STX2: variants seen among roughly 807,000 people sequenced by gnomAD.
STX2 encodes syntaxin 2, also known as syntaxin-2.
A neutral mutation model predicts 40.6 loss-of-function variants in STX2; 27 were observed. The observed-to-expected ratio is 0.66, with a 90% CI of 0.49 to 0.92. The LOEUF (loss-of-function observed/expected upper bound fraction) is 0.92, where lower values mean the gene tolerates loss of function less well. Ranked by LOEUF, STX2 falls within the 40% of genes least tolerant of loss-of-function variation. The pLI is 0.00. For synonymous variants in STX2, 123 were observed against 119.1 expected (o/e 1.03, Z -0.22); for missense variants, 328 against 366.1 (o/e 0.90, Z 0.85).
chr12:130,809,010 G>C (rs1951546218), intron 4 of STX2, among the ~76,000 whole-genome samples: 1 of 152,162 alleles, frequency 6.6e-6, no homozygotes, highest in African/African-American at 2.4e-5. Flanking sequence ...GGAATTACAG[G>C]CGTGTGCCAC....
At chr12:130,817,133 C>T (rs561312644) in intron 3 of STX2, among the ~76,000 whole-genome samples, 2 of 149,216 alleles carry the variant, frequency 1.3e-5, no homozygotes, top group South Asian at 4.2e-4. Context: ...TGAATGAAAA[C>T]CCAACAAAAA....
At chr12:130,823,501 C>T (rs576982183) in intron 2 of STX2, among the ~76,000 whole-genome samples, 1 of 152,228 alleles carries the variant, frequency 6.6e-6, no homozygotes, top group South Asian at 2.1e-4. Context: ...CCACAGGATT[C>T]CTTATAAGAC....
At chr12:130,813,084 C>T (rs1208766682) in intron 3 of STX2, 53 bp from the exon 4 acceptor site, 1 of 1,079,060 alleles carries the variant, frequency 9.3e-7, no homozygotes, top group East Asian at 2.9e-5. Context: ...CTATAATATC[C>T]AACATAAATG....
chr12:130,798,722 T>C (rs1951115242), intron 8 of STX2, 87 bp from the exon 9 acceptor site: 3 of 994,906 alleles, frequency 3.0e-6, no homozygotes, highest in Non-Finnish European at 4.3e-6. Flanking sequence ...AAAGGTTTTA[T>C]ATAAACACGA....
chr12:130,803,209 A>C lies in STX2; in HGVS notation c.464-1721T>G, dbSNP rs186979387. Among the ~76,000 whole-genome samples the C allele has an allele frequency of 8.8e-3, 1,336 of 152,336 alleles. 11 individuals carry two copies. Among genetic ancestry groups the C allele is most frequent in the Middle Eastern group, 0.017 (5 of 294 alleles). On this transcript the variant is annotated intron_variant, in intron 6 of 10. Coordinates refer to ENST00000392373, the MANE Select transcript of STX2 (RefSeq NM_194356.4). ...GGAGGTAATTCTCAATCATTTAAAA[A>C]TCTATTTGAGAGCACACATGGTGGT...
intron 3 of STX2, among the ~76,000 whole-genome samples, chr12:130,818,185 A>AAATATATATATATATAT: frequency 2.4e-4 from 17 of 70,542 alleles, no homozygotes; most frequent in Non-Finnish European, 3.2e-4. Context: ...AAAAAAAAAA[A>AAATATATATATATATAT]ATATATATAT....
chr12:130,794,617 C>T (rs1196593205), intron 10 of STX2, among the ~76,000 whole-genome samples: 1 of 152,212 alleles, frequency 6.6e-6, no homozygotes, highest in African/African-American at 2.4e-5. Context: ...CTGCCTCGGC[C>T]TCTGGCGTAG....
intron 3 of STX2, among the ~76,000 whole-genome samples, chr12:130,820,110 G>A (rs950906011): frequency 1.3e-5 from 2 of 152,082 alleles, no homozygotes; most frequent in African/African-American, 2.4e-5. Flanking sequence ...CCAAGACCAA[G>A]AATACATGTG....
chr12:130,807,902 C>T (rs1353292650), intron 5 of STX2, among the ~76,000 whole-genome samples: 2 of 152,154 alleles, frequency 1.3e-5, no homozygotes, highest in African/African-American at 2.4e-5. Context: ...GCTGCAGTGA[C>T]AGAAGGCCGC....
intron 5 of STX2, among the ~76,000 whole-genome samples, chr12:130,807,531 G>A (rs1951486106): frequency 6.7e-6 from 1 of 149,286 alleles, no homozygotes; most frequent in African/African-American, 2.5e-5. Flanking sequence ...CAGAGCCTGC[G>A]TGCTTCATCG....
chr12:130,830,040 C>T (rs564397879), intron 1 of STX2, among the ~76,000 whole-genome samples: 1 of 152,306 alleles, frequency 6.6e-6, no homozygotes, highest in East Asian at 1.9e-4. Flanking sequence ...TAAACATATA[C>T]AAAAGTAGAA....
intron 3 of STX2, among the ~76,000 whole-genome samples, chr12:130,817,198 G>A (rs1951892855): frequency 6.6e-6 from 1 of 151,066 alleles, no homozygotes; most frequent in Admixed American, 6.6e-5. Context: ...ACAAGACACA[G>A]ACGTTAAAAC....
At chr12:130,807,236 G>A in intron 5 of STX2, 146 bp from the exon 6 acceptor site, 1 of 746,770 alleles carries the variant, frequency 1.3e-6, no homozygotes, top group East Asian at 2.7e-5. Context: ...CCCCATGGCA[G>A]CATCTGTGCT....
rs1360025921 is a variant in STX2 at position 130,839,198 on chromosome 12, C to G, written c.-99G>C. On this transcript the variant is annotated 5_prime_UTR_variant, in exon 1 of 11. Transcript: ENST00000392373. ...CGGTCTCCGCCTCAGGCCCCGCGGTCCCGGCCCGGCGCCAGCAGCCCTCCC... is the reference window on the plus strand; with the variant it reads ...CGGTCTCCGCCTCAGGCCCCGCGGTGCCGGCCCGGCGCCAGCAGCCCTCCC... 1 of 1,040,222 alleles carries G rather than the reference C, an allele frequency of 9.6e-7. No homozygotes were observed. Among genetic ancestry groups the G allele is most frequent in the Non-Finnish European group, 1.2e-6 (1 of 854,612 alleles). The allele number at this position is 1,040,222 out of a possible 1,614,324, so 64.4% of individuals were successfully genotyped here. A position where few individuals can be genotyped will look rare whatever the true frequency, so the allele number is the denominator to read the frequency against.
intron 2 of STX2, among the ~76,000 whole-genome samples, chr12:130,825,140 G>A (rs563608326): frequency 2.0e-5 from 3 of 151,298 alleles, no homozygotes; most frequent in South Asian, 2.1e-4. Context: ...AGGTTCCAGC[G>A]ATTCTCCCAC....
intron 3 of STX2, 66 bp downstream of exon 3, chr12:130,821,623 G>T: frequency 7.6e-7 from 1 of 1,315,282 alleles, no homozygotes; most frequent in Non-Finnish European, 1.1e-6. Context: ...GTTGAGGCCT[G>T]TGCCGCAGAC....
At chr12:130,811,177 G>A (rs931585473) in intron 4 of STX2, among the ~76,000 whole-genome samples, 1 of 152,016 alleles carries the variant, frequency 6.6e-6, no homozygotes, top group Non-Finnish European at 1.5e-5. Context: ...GGCCAACATG[G>A]CGAAACCCCA....
chr12:130,795,605 TG>T (rs1447689267), intron 10 of STX2, among the ~76,000 whole-genome samples: 1 of 152,176 alleles, frequency 6.6e-6, no homozygotes, highest in Non-Finnish European at 1.5e-5. Flanking sequence ...CCGAGTGTGC[TG>T]GTGCACGTCT....
rs1951111213 is a variant in STX2 at position 130,798,639 on chromosome 12, A to G, written c.676-4T>C. 2.5e-6 allele frequency: 4 copies of G among 1,579,896 alleles called. No individual in the cohort carries two copies. Among genetic ancestry groups the G allele is most frequent in the Non-Finnish European group, 3.4e-6 (4 of 1,168,442 alleles). ...CTATGTTGTTGATCATTTCACCCTT[A>G]AAACAAAAAGTTTCAAACTTAGAAG... On this transcript the variant is annotated splice_polypyrimidine_tract_variant and splice_region_variant and intron_variant, in intron 8 of 10. Coordinates refer to ENST00000392373, the MANE Select transcript of STX2 (RefSeq NM_194356.4).
Sources: gnomAD v4.1 joint callset for allele counts (sites outside exome capture counted in the v4.1 genomes callset) on GRCh38, gnomAD v4.1.1 for gene constraint, MANE v1.5 for transcripts, NCBI Gene and HGNC (gene_info 2026-07-23, HGNC 2026-07-21) for gene names.